Variants in RBFOX1 observed in about 807,000 individuals in gnomAD.
RBFOX1 encodes RNA binding fox-1 homolog 1, also known as RNA binding protein fox-1 homolog 1.
In RBFOX1, 8 loss-of-function variants were observed where a neutral mutation model predicts 57.7. That is an observed-to-expected ratio of 0.14 (90% confidence interval 0.08 to 0.25). The LOEUF is 0.25. RBFOX1 is among the 10% of genes least tolerant of loss of function. The pLI is 1.00. For missense variants in RBFOX1, 611 were observed against 548.5 expected (o/e 1.11, Z -1.14); for synonymous variants, 326 against 222.4 (o/e 1.47, Z -4.15).
At chr16:6,098,623 T>C (rs1039652799) in intron 1 of RBFOX1, among the ~76,000 whole-genome samples, 2 of 152,218 alleles carry the variant, frequency 1.3e-5, no homozygotes, top group East Asian at 1.9e-4. Context: ...CCATGCACAT[T>C]CTCTGTATTA....
At chr16:7,517,214 T>C (rs544190440) in intron 4 of RBFOX1, among the ~76,000 whole-genome samples, 1 of 135,840 alleles carries the variant, frequency 7.4e-6, no homozygotes, top group Admixed American at 7.7e-5. Context: ...GAGGAGGAGG[T>C]AAAGAGAGAG....
chr16:7,678,631 A>AT (rs1434121223), intron 14 of RBFOX1, among the ~76,000 whole-genome samples: 1 of 152,194 alleles, frequency 6.6e-6, no homozygotes, highest in Non-Finnish European at 1.5e-5. Flanking sequence ...TGAAAAAAAA[A>AT]GATTACAAAG....
At chr16:6,038,196 G>C (rs79221019) in intron 1 of RBFOX1, 1 of 104,604 alleles carries the variant, frequency 9.6e-6, no homozygotes, top group Non-Finnish European at 2.0e-5. Context: ...TTTTTTTTTT[G>C]AGATGGCATC....
At chr16:7,564,463 C>T (rs917920306) in intron 5 of RBFOX1, among the ~76,000 whole-genome samples, 1 of 143,060 alleles carries the variant, frequency 7.0e-6, no homozygotes, top group Non-Finnish European at 1.5e-5. Context: ...ATTGCTTGAT[C>T]CTGGGAGGCG....
Position 7,276,688 on chromosome 16 carries a change from G to A in RBFOX1, c.27+224590G>A, listed in dbSNP as rs1242025792. ...CCCAACCTCAGTTCATCATTATTCT[G>A]CACTGAGTTATGTAATGATTTGATC... On this transcript the variant is annotated intron_variant, in intron 4 of 15. Transcript: ENST00000550418. 2.0e-5 allele frequency among the ~76,000 whole-genome samples: 3 copies of A among 152,112 alleles called. No individual in the cohort carries two copies. The East Asian group carries it at 5.8e-4, about 29-fold the overall frequency.
chr16:5,835,991 G>T (rs2056444890), intron 3 of RBFOX1, among the ~76,000 whole-genome samples: 1 of 152,220 alleles, frequency 6.6e-6, no homozygotes, highest in Non-Finnish European at 1.5e-5. Flanking sequence ...GGCTGAGGCT[G>T]CTTGGAGGGA....
chr16:6,247,186 T>C (rs1244450720), intron 1 of RBFOX1, among the ~76,000 whole-genome samples: 4 of 152,194 alleles, frequency 2.6e-5, no homozygotes, highest in Non-Finnish European at 4.4e-5. Flanking sequence ...GTATGTGAAA[T>C]TGCAACTGTC....
chr16:6,804,148 C>T (rs1027168918), intron 3 of RBFOX1, among the ~76,000 whole-genome samples: 3 of 151,984 alleles, frequency 2.0e-5, no homozygotes, highest in Non-Finnish European at 1.5e-5. Context: ...GCTGGGATTA[C>T]AGGTGCCCGC....
intron 3 of RBFOX1, among the ~76,000 whole-genome samples, chr16:6,992,169 T>TC (rs1292743592): frequency 6.6e-6 from 1 of 151,384 alleles, no homozygotes; most frequent in Admixed American, 6.6e-5. Context: ...AGAAGCAATT[T>TC]TTTGTTTTTT....
At chr16:6,469,873 T>G (rs554157809) in intron 2 of RBFOX1, among the ~76,000 whole-genome samples, 5 of 152,304 alleles carry the variant, frequency 3.3e-5, no homozygotes, top group Non-Finnish European at 7.3e-5. Flanking sequence ...GGGCAGTAGA[T>G]TTGAACCTTA....
chr16:6,899,543 G>A lies in RBFOX1; in HGVS notation c.-15-152514G>A, dbSNP rs545727937. 8.7e-4 allele frequency among the ~76,000 whole-genome samples: 133 copies of A among 152,286 alleles called. 2 individuals carry two copies. The highest frequency in any genetic ancestry group is 8.5e-3 in the Admixed American group (130 of 15,286). ...AATGAGTTTATATTTAGAGACACCT[G>A]GATGTAGATTACAACTCCATCTCTC... is the stretch of plus-strand genomic sequence containing the variant. On this transcript the variant is annotated intron_variant, in intron 3 of 15. Coordinates refer to ENST00000550418, the MANE Select transcript of RBFOX1 (RefSeq NM_018723.4).
intron 1 of RBFOX1, among the ~76,000 whole-genome samples, chr16:6,267,316 A>G (rs1021779399): frequency 6.6e-6 from 1 of 152,230 alleles, no homozygotes; most frequent in Non-Finnish European, 1.5e-5. Flanking sequence ...TCTTAGGTCA[A>G]TGAACTCTAC....
At chr16:6,975,961 A>G (rs1159980872) in intron 3 of RBFOX1, among the ~76,000 whole-genome samples, 1 of 152,040 alleles carries the variant, frequency 6.6e-6, no homozygotes, top group Non-Finnish European at 1.5e-5. Context: ...CCCCATCTGT[A>G]CTAAAAAATA....
At chr16:6,981,577 AC>A (rs2088882480) in intron 3 of RBFOX1, among the ~76,000 whole-genome samples, 1 of 152,194 alleles carries the variant, frequency 6.6e-6, no homozygotes, top group Non-Finnish European at 1.5e-5. Context: ...TGACAGTTCC[AC>A]GTGGCTGGGG....
intron 3 of RBFOX1, among the ~76,000 whole-genome samples, chr16:6,724,963 C>G (rs1179296640): frequency 6.6e-6 from 1 of 150,578 alleles, no homozygotes; most frequent in Non-Finnish European, 1.5e-5. Context: ...TTTTGGCATG[C>G]AAATGCATTA....
chr16:6,424,702 C>T (rs542413573), intron 2 of RBFOX1, among the ~76,000 whole-genome samples: 3 of 151,914 alleles, frequency 2.0e-5, no homozygotes, highest in African/African-American at 7.2e-5. Context: ...GTTTACAGGG[C>T]TAAAAGCATA....
At chr16:5,600,404 T>G (rs2047327693), downstream of RBFOX1, among the ~76,000 whole-genome samples, 1 of 150,440 alleles carries the variant, frequency 6.6e-6, no homozygotes, top group East Asian at 2.0e-4. Flanking sequence ...GAGGATTGCT[T>G]GAGCCCAGGA....
intron 1 of RBFOX1, among the ~76,000 whole-genome samples, chr16:5,337,859 C>T (rs1307268157): frequency 6.6e-6 from 1 of 151,934 alleles, no homozygotes; most frequent in Admixed American, 6.6e-5. Flanking sequence ...TCCTGGGTAA[C>T]ACAGTAAGGC....
intron 3 of RBFOX1, among the ~76,000 whole-genome samples, chr16:6,782,996 T>C (rs2081284787): frequency 6.6e-6 from 1 of 152,152 alleles, no homozygotes; most frequent in South Asian, 2.1e-4. Context: ...ACCTTCTTTG[T>C]CTCTTTTTAC....
Sources: allele counts gnomAD v4.1 joint callset (sites outside exome capture counted in the v4.1 genomes callset), GRCh38; gene constraint gnomAD v4.1.1; transcripts MANE v1.5; gene names NCBI Gene and HGNC (gene_info 2026-07-23, HGNC 2026-07-21).